Variants in ZBTB16 observed in about 807,000 individuals in gnomAD.
ZBTB16 encodes zinc finger and BTB domain containing 16, also known as zinc finger and BTB domain-containing protein 16.
Under a neutral mutation model 56.8 loss-of-function variants are expected in ZBTB16, and 8 were observed. The observed-to-expected ratio is 0.14, with a 90% CI of 0.08 to 0.25. ZBTB16 has a LOEUF of 0.25. Ranked by LOEUF, ZBTB16 falls within the 10% of genes least tolerant of loss-of-function variation. The pLI is 1.00. For missense variants in ZBTB16, 625 were observed against 903.0 expected (o/e 0.69, Z 3.95); for synonymous variants, 363 against 368.5 (o/e 0.98, Z 0.17).
chr11:114,171,963 CCTGCCTG>C (rs1281965782), intron 3 of ZBTB16, among the ~76,000 whole-genome samples: 30 of 152,194 alleles, frequency 2.0e-4, no homozygotes, highest in African/African-American at 6.3e-4. Context: ...TTCAAAGCAC[CCTGCCTG>C]AGAAGGAAGG....
At chr11:114,199,361 G>A (rs1943681444) in intron 4 of ZBTB16, among the ~76,000 whole-genome samples, 2 of 151,302 alleles carry the variant, frequency 1.3e-5, no homozygotes, top group African/African-American at 4.9e-5. Flanking sequence ...CCGGGACGGG[G>A]CTGCTGGACA....
chr11:114,069,778 C>T lies in ZBTB16; in HGVS notation c.1268+5210C>T, dbSNP rs369597861. On this transcript the variant is annotated intron_variant, in intron 2 of 6. Coordinates refer to ENST00000335953, the MANE Select transcript of ZBTB16 (RefSeq NM_006006.6). ...CAATGATATTAATAATACCTTTTATCGGTTGCAGCATTTTCTTCTTTGCAA... is the reference window on the plus strand; with the variant it reads ...CAATGATATTAATAATACCTTTTATTGGTTGCAGCATTTTCTTCTTTGCAA... Among the ~76,000 whole-genome samples, 6 of 152,178 alleles carry T rather than the reference C, an allele frequency of 3.9e-5. No individual in the cohort carries two copies. The South Asian group carries it at 6.2e-4, about 16-fold the overall frequency.
At chr11:114,165,615 G>A (rs1942726576) in intron 3 of ZBTB16, among the ~76,000 whole-genome samples, 1 of 152,176 alleles carries the variant, frequency 6.6e-6, no homozygotes, top group African/African-American at 2.4e-5. Flanking sequence ...CTCAGTTTTG[G>A]GTGCTGTCTC....
chr11:114,197,386 C>T (rs1176199672), intron 4 of ZBTB16, among the ~76,000 whole-genome samples: 1 of 152,076 alleles, frequency 6.6e-6, no homozygotes, highest in African/African-American at 2.4e-5. Flanking sequence ...GGGTCCTCTT[C>T]GTTTCAGTGT....
At chr11:114,228,077 T>C (rs1944365699) in intron 4 of ZBTB16, among the ~76,000 whole-genome samples, 1 of 152,208 alleles carries the variant, frequency 6.6e-6, no homozygotes, top group Non-Finnish European at 1.5e-5. Flanking sequence ...ATTGGCTCCC[T>C]GGGCAGTCTG....
chr11:114,072,246 ATT>A (rs1488339132), intron 2 of ZBTB16, among the ~76,000 whole-genome samples: 1 of 152,182 alleles, frequency 6.6e-6, no homozygotes, highest in African/African-American at 2.4e-5. Context: ...GGGCTGAGAC[ATT>A]GCTTCTGCGT....
At chr11:114,235,198 G>A (rs367752735) in intron 4 of ZBTB16, among the ~76,000 whole-genome samples, 9 of 152,284 alleles carry the variant, frequency 5.9e-5, no homozygotes, top group South Asian at 2.1e-4. Context: ...AGGATTGGAC[G>A]TGAGAAGCCC....
At chr11:114,161,307 C>A (rs1481842434) in intron 3 of ZBTB16, among the ~76,000 whole-genome samples, 1 of 152,088 alleles carries the variant, frequency 6.6e-6, no homozygotes, top group Non-Finnish European at 1.5e-5. Flanking sequence ...TTTGAGTATT[C>A]ATGTGGCCTG....
intron 5 of ZBTB16, chr11:114,246,946 C>A: frequency 1.8e-6 from 1 of 545,130 alleles, no homozygotes; most frequent in South Asian, 2.0e-5. Context: ...ATCCCTGAAC[C>A]AAATGGGCTC....
chr11:114,147,168 G>T (rs1275549049), intron 2 of ZBTB16, among the ~76,000 whole-genome samples: 1 of 152,132 alleles, frequency 6.6e-6, no homozygotes. Context: ...TTTTCAGAAT[G>T]GTTTAATTCC....
At chr11:114,080,815 G>A (rs932557209) in intron 2 of ZBTB16, among the ~76,000 whole-genome samples, 1 of 152,154 alleles carries the variant, frequency 6.6e-6, no homozygotes, top group Non-Finnish European at 1.5e-5. Flanking sequence ...GTTTATTTTC[G>A]GAAGGTTGAG....
chr11:114,233,071 G>GCA lies in ZBTB16; in HGVS notation c.1454-9095_1454-9094insAC, dbSNP rs1944478161. The stretch of plus-strand genomic sequence containing the variant: ...CACTCTACTGCACATACGCATGCGC[G>GCA]CGCGCGCGCGCACACACACACACAC... On this transcript the variant is annotated intron_variant, in intron 4 of 6. Coordinates refer to ENST00000335953, the MANE Select transcript of ZBTB16 (RefSeq NM_006006.6). 5.2e-5 allele frequency among the ~76,000 whole-genome samples: 3 copies of GCA among 58,028 alleles called. 1 individual carries two copies. 38.1% of individuals were successfully genotyped at this position (58,028 alleles called of 152,430 possible).
At chr11:114,116,886 A>G (rs974304462) in intron 2 of ZBTB16, among the ~76,000 whole-genome samples, 4 of 152,360 alleles carry the variant, frequency 2.6e-5, no homozygotes, top group South Asian at 2.1e-4. Context: ...CTCGTCCCCA[A>G]GAATCTAATA....
intron 2 of ZBTB16, among the ~76,000 whole-genome samples, chr11:114,065,644 G>A (rs1332886973): frequency 6.6e-6 from 1 of 152,158 alleles, no homozygotes; most frequent in Non-Finnish European, 1.5e-5. Flanking sequence ...TCGAACTCCC[G>A]ACCTCAGGTG....
intron 2 of ZBTB16, among the ~76,000 whole-genome samples, chr11:114,126,252 G>A (rs1393373726): frequency 2.0e-5 from 3 of 152,218 alleles, no homozygotes; most frequent in Non-Finnish European, 4.4e-5. Context: ...GTCTTAAAAC[G>A]AGGTGAATCT....
At chr11:114,136,150 G>C (rs1941792399) in intron 2 of ZBTB16, among the ~76,000 whole-genome samples, 1 of 152,212 alleles carries the variant, frequency 6.6e-6, no homozygotes, top group Non-Finnish European at 1.5e-5. Flanking sequence ...ACCTTCCTTT[G>C]CTGGAGTCCT....
chr11:114,096,363 A>G (rs1474381109), intron 2 of ZBTB16, among the ~76,000 whole-genome samples: 1 of 152,192 alleles, frequency 6.6e-6, no homozygotes, highest in Non-Finnish European at 1.5e-5. Flanking sequence ...ATGCTATCTT[A>G]AAGAGATACA....
intron 2 of ZBTB16, among the ~76,000 whole-genome samples, chr11:114,128,502 GT>G (rs75132767): frequency 0.092 from 14,022 of 152,226 alleles, 736 homozygotes; most frequent in Admixed American, 0.16. Context: ...CTGACCTTTA[GT>G]TTTTTTCACC....
rs1944966785 is a variant in ZBTB16 at position 114,254,429 on chromosome 11, A to G, written c.*3874A>G. ...GAAAAAAAAACTGCTGCAATTTTTC[A>G]CAAGTGTATGGTACCTTTCTGGATG... On this transcript the variant is annotated 3_prime_UTR_variant, in exon 7 of 7. Transcript: ENST00000335953. Among the ~76,000 whole-genome samples, 2 of 152,122 alleles carry G rather than the reference A, an allele frequency of 1.3e-5. No homozygotes were observed. The highest frequency in any genetic ancestry group is 2.9e-5 in the Non-Finnish European group (2 of 68,018).
Sources: gnomAD v4.1 joint callset for allele counts (sites outside exome capture counted in the v4.1 genomes callset) on GRCh38, gnomAD v4.1.1 for gene constraint, MANE v1.5 for transcripts, NCBI Gene and HGNC (gene_info 2026-07-23, HGNC 2026-07-21) for gene names.